Variants in RAI14 observed in about 807,000 individuals in gnomAD.
The protein encoded by RAI14 is retinoic acid induced 14.
Under a neutral mutation model 115.4 loss-of-function variants are expected in RAI14, and 45 were observed. The ratio of observed to expected loss-of-function variants is 0.39; its 90% CI spans 0.31 to 0.50. RAI14 has a LOEUF of 0.50. RAI14 is among the 20% of genes least tolerant of loss of function. The pLI is 0.85. For synonymous variants in RAI14, 371 were observed against 415.4 expected (o/e 0.89, Z 1.30); for missense variants, 939 against 1,131.2 (o/e 0.83, Z 2.44).
chr5:34,774,644 A>G (rs1750617643), intron 3 of RAI14, among the ~76,000 whole-genome samples: 1 of 152,158 alleles, frequency 6.6e-6, no homozygotes, highest in African/African-American at 2.4e-5. Context: ...ACATTCTTTA[A>G]CAATATTGAT....
At chr5:34,720,942 C>T (rs577717932) in intron 2 of RAI14, among the ~76,000 whole-genome samples, 2 of 152,140 alleles carry the variant, frequency 1.3e-5, no homozygotes, top group African/African-American at 2.4e-5. Context: ...CCTCCGCGCT[C>T]AGCCTCCGGA....
rs1478922640 is a variant in RAI14 at position 34,805,828 on chromosome 5, G to T, written c.322-1972G>T. Among the ~76,000 whole-genome samples, 3 of 152,124 alleles carry T rather than the reference G, an allele frequency of 2.0e-5. 1 individual carries two copies. The highest frequency in any genetic ancestry group is 7.2e-5 in the African/African-American group (3 of 41,430). On this transcript the variant is annotated intron_variant, in intron 5 of 17. Coordinates refer to ENST00000265109, the MANE Select transcript of RAI14 (RefSeq NM_015577.3). Reference sequence around the variant, plus strand: ...TACACTTCAGCCTGGGTGACAGGGCGAGACTCCATCTCAAAAACAAACAAA... The same window carrying T: ...TACACTTCAGCCTGGGTGACAGGGCTAGACTCCATCTCAAAAACAAACAAA...
intron 2 of RAI14, among the ~76,000 whole-genome samples, chr5:34,714,900 T>C (rs1402749809): frequency 6.6e-6 from 1 of 152,170 alleles, no homozygotes; most frequent in Admixed American, 6.5e-5. Context: ...GAACCTCACT[T>C]GCAGTTCCTC....
At chr5:34,828,582 C>T (rs1757687720) in intron 16 of RAI14, among the ~76,000 whole-genome samples, 1 of 151,990 alleles carries the variant, frequency 6.6e-6, no homozygotes, top group African/African-American at 2.4e-5. Context: ...CATACTCTGA[C>T]ACTGATGGGG....
intron 3 of RAI14, among the ~76,000 whole-genome samples, chr5:34,789,767 C>T (rs980453086): frequency 5.3e-5 from 8 of 152,138 alleles, no homozygotes; most frequent in African/African-American, 1.4e-4. Context: ...GTTTATTTCA[C>T]GCTTCACCCT....
intron 3 of RAI14, among the ~76,000 whole-genome samples, chr5:34,794,949 G>A (rs926017031): frequency 6.6e-6 from 1 of 152,110 alleles, no homozygotes; most frequent in Non-Finnish European, 1.5e-5. Context: ...TTCATGAGAG[G>A]TATCCTGAGG....
chr5:34,699,262 T>A (rs546746253), intron 2 of RAI14, among the ~76,000 whole-genome samples: 27 of 152,346 alleles, frequency 1.8e-4, no homozygotes, highest in African/African-American at 6.5e-4. Context: ...AGTTTACAGA[T>A]GAGAAAACTG....
intron 2 of RAI14, among the ~76,000 whole-genome samples, chr5:34,749,128 T>G (rs1746676985): frequency 1.3e-5 from 2 of 152,222 alleles, no homozygotes; most frequent in African/African-American, 4.8e-5. Flanking sequence ...CAGTTTACTT[T>G]GTCTTTCGTC....
At position 34,695,803 on chromosome 5, in the gene RAI14, C is replaced by CTT. The variant is rs376091071; in HGVS notation, c.36+8865_36+8866dup. On this transcript the variant is annotated intron_variant, in intron 2 of 17. Coordinates refer to ENST00000265109, the MANE Select transcript of RAI14 (RefSeq NM_015577.3). ...GTGAAAGTAAAGCAGAAGCACTTTC[C>CTT]TTTTTTTTTTTTTTTTTTCTGTGAC... 1.4e-3 allele frequency among the ~76,000 whole-genome samples: 179 copies of CTT among 128,928 alleles called. 9 individuals are homozygous for CTT. Among genetic ancestry groups the CTT allele is most frequent in the Non-Finnish European group, 1.9e-3 (115 of 62,034 alleles). The allele number at this position is 128,928 out of a possible 152,430, so 84.6% of individuals were successfully genotyped here. A position where few individuals can be genotyped will look rare whatever the true frequency, so the allele number is the denominator to read the frequency against.
At chr5:34,703,267 C>CGT (rs1409106604) in intron 2 of RAI14, among the ~76,000 whole-genome samples, 2 of 152,114 alleles carry the variant, frequency 1.3e-5, no homozygotes, top group African/African-American at 2.4e-5. Flanking sequence ...TACATCAACA[C>CGT]CTCTTCTTAG....
chr5:34,815,942 T>C (rs1191192886), intron 12 of RAI14, among the ~76,000 whole-genome samples: 1 of 152,226 alleles, frequency 6.6e-6, no homozygotes, highest in Non-Finnish European at 1.5e-5. Context: ...AAATTAATTT[T>C]TTCAAAAATA....
intron 3 of RAI14, among the ~76,000 whole-genome samples, chr5:34,766,168 T>C (rs955166732): frequency 6.6e-6 from 1 of 152,072 alleles, no homozygotes; most frequent in African/African-American, 2.4e-5. Context: ...CAGAAGGAAA[T>C]GTAGGGCTGG....
chr5:34,831,606 C>A lies in RAI14; in HGVS notation c.*841C>A, dbSNP rs769641872. 2 of 152,560 alleles carry A rather than the reference C, an allele frequency of 1.3e-5. No homozygotes were observed. The highest frequency in any genetic ancestry group is 1.5e-5 in the Non-Finnish European group (1 of 67,986). The allele number at this position is 152,560 out of a possible 1,614,324, so 9.5% of individuals were successfully genotyped here. On this transcript the variant is annotated 3_prime_UTR_variant, in exon 18 of 18. Coordinates refer to ENST00000265109, the MANE Select transcript of RAI14 (RefSeq NM_015577.3). ...TCAACTTTTGTAGAAGTATTTTTTT[C>A]TCTGTAATATTTTTATTGGCTCATA...
At chr5:34,792,427 G>T (rs1580276299) in intron 3 of RAI14, among the ~76,000 whole-genome samples, 1 of 151,806 alleles carries the variant, frequency 6.6e-6, no homozygotes, top group African/African-American at 2.4e-5. Context: ...GTACAGACGG[G>T]GTTTCACTGT....
chr5:34,792,028 A>G (rs1031603523), intron 3 of RAI14, among the ~76,000 whole-genome samples: 3 of 152,110 alleles, frequency 2.0e-5, no homozygotes, highest in African/African-American at 7.2e-5. Flanking sequence ...GGGCAGAGAG[A>G]ATGCACAGCG....
intron 3 of RAI14, among the ~76,000 whole-genome samples, chr5:34,784,546 A>G (rs1752056448): frequency 6.6e-6 from 1 of 152,196 alleles, no homozygotes; most frequent in African/African-American, 2.4e-5. Context: ...GTAATTTAAC[A>G]ATCTGAGTTC....
chr5:34,807,746 T>C (rs1478026649), intron 5 of RAI14, 54 bp from the exon 6 acceptor site: 2 of 1,341,648 alleles, frequency 1.5e-6, no homozygotes, highest in Non-Finnish European at 2.1e-6. Flanking sequence ...CTGAACTGAA[T>C]AGAATTGGGG....
At chr5:34,807,541 G>A (rs1755067258) in intron 5 of RAI14, among the ~76,000 whole-genome samples, 1 of 152,080 alleles carries the variant, frequency 6.6e-6, no homozygotes, top group Non-Finnish European at 1.5e-5. Context: ...ATGTCTATTA[G>A]CTGGTGGGGT....
At chr5:34,710,895 A>T (rs1741309194) in intron 2 of RAI14, among the ~76,000 whole-genome samples, 1 of 152,176 alleles carries the variant, frequency 6.6e-6, no homozygotes, top group Non-Finnish European at 1.5e-5. Flanking sequence ...CTCCTTTCTT[A>T]GTAAAAGAAC....
Sources: gnomAD v4.1 joint callset for allele counts (sites outside exome capture counted in the v4.1 genomes callset) on GRCh38, gnomAD v4.1.1 for gene constraint, MANE v1.5 for transcripts, NCBI Gene and HGNC (gene_info 2026-07-23, HGNC 2026-07-21) for gene names.